Variants in PRSS57 observed in about 807,000 individuals in gnomAD.
The protein encoded by PRSS57 is neutrophil serine protease 4.
PRSS57 carries 19 observed loss-of-function variants against 20.6 expected under a neutral mutation model. The observed-to-expected ratio is 0.92, with a 90% CI of 0.64 to 1.35. The LOEUF is 1.35. Among genes scored for constraint, PRSS57 ranks in the 40% most tolerant of loss-of-function variants. PRSS57 has a pLI of 0.00. For missense variants in PRSS57, 440 were observed against 403.7 expected (o/e 1.09, Z -0.77); for synonymous variants, 203 against 176.6 (o/e 1.15, Z -1.19).
At chr19:693,471 G>A (rs1048499237) in intron 2 of PRSS57, among the ~76,000 whole-genome samples, 1 of 152,056 alleles carries the variant, frequency 6.6e-6, no homozygotes, top group Admixed American at 6.6e-5. Context: ...TCTATGAAAT[G>A]GAGGCCCAGT....
rs866064266 is a variant in PRSS57, at chr19:686,911, G to A, written c.642+14C>T. 2 of 1,609,706 alleles carry A rather than the reference G, an allele frequency of 1.2e-6. No individual in the cohort carries two copies. Among genetic ancestry groups the A allele is most frequent in the African/African-American group, 1.3e-5 (1 of 74,864 alleles). On this transcript the variant is annotated intron_variant, in intron 4 of 4. Coordinates refer to ENST00000329267, the MANE Select transcript of PRSS57 (RefSeq NM_001308209.2). ...CCCACACAGTAAGTGGGTGGAGCAG[G>A]GAGGGGATCTTACCGAGCAGAAGCC... is the stretch of plus-strand genomic sequence containing the variant.
chr19:692,587 T>C (rs2031679120), intron 2 of PRSS57, among the ~76,000 whole-genome samples: 1 of 151,782 alleles, frequency 6.6e-6, no homozygotes, highest in Non-Finnish European at 1.5e-5. Flanking sequence ...CAGCTAATTT[T>C]TGTATTTTCA....
At chr19:689,883 T>A (rs1275662654) in intron 3 of PRSS57, among the ~76,000 whole-genome samples, 2 of 152,252 alleles carry the variant, frequency 1.3e-5, no homozygotes, top group South Asian at 4.2e-4. Context: ...TGAAATCCCA[T>A]CTCTACTAAA....
At chr19:690,097 G>A (rs2031599669) in intron 3 of PRSS57, among the ~76,000 whole-genome samples, 1 of 146,652 alleles carries the variant, frequency 6.8e-6, no homozygotes, top group Admixed American at 7.0e-5. Context: ...CGGATCACGA[G>A]GTCAAGAGAT....
At chr19:690,878 G>A (rs909289226) in intron 3 of PRSS57, 7 of 385,038 alleles carry the variant, frequency 1.8e-5, no homozygotes, top group African/African-American at 6.4e-5. Context: ...CTGCGGCTCT[G>A]CGCTGGTGTG....
At position 686,936 on chromosome 19, in the gene PRSS57, C is replaced by A. The variant is rs1173392823; in HGVS notation, c.631G>T (p.Gly211Cys). 5 of 1,613,442 alleles carry A rather than the reference C, an allele frequency of 3.1e-6. No homozygotes were observed. Among genetic ancestry groups the A allele is most frequent in the Non-Finnish European group, 4.2e-6 (5 of 1,179,698 alleles). ...GGAGGGGATCTTACCGAGCAGAAGC[C>A]CCGTCTGTGGCTGTCCCCACTGCGG... Reference protein sequence around the residue: ...CTRSGDSHRRGFCSADSGGPL... With the variant: ...CTRSGDSHRRCFCSADSGGPL... Residue 211 changes from glycine to cysteine, a missense_variant, in exon 4 of 5, where the codon GGC becomes TGC. Transcript: ENST00000329267.
intron 1 of PRSS57, among the ~76,000 whole-genome samples, 188 bp from the exon 2 acceptor site, chr19:695,155 C>T (rs748016989): frequency 2.6e-5 from 4 of 152,100 alleles, no homozygotes; most frequent in Non-Finnish European, 5.9e-5. Context: ...CTCCCGAGCC[C>T]GGGAGATCCA....
intron 2 of PRSS57, 105 bp from the exon 3 acceptor site, chr19:692,107 C>T (rs1406446392): frequency 8.8e-6 from 10 of 1,142,540 alleles, no homozygotes; most frequent in South Asian, 4.5e-5. Flanking sequence ...CGGTGGCTCA[C>T]GCCTGTAATC....
intron 3 of PRSS57, among the ~76,000 whole-genome samples, chr19:688,435 G>A (rs1333114018): frequency 3.3e-5 from 5 of 151,192 alleles, no homozygotes; most frequent in Non-Finnish European, 7.4e-5. Context: ...CCGCCTCCCG[G>A]GTTCAAGCGA....
chr19:689,506 G>A (rs2031579042), intron 3 of PRSS57, among the ~76,000 whole-genome samples: 1 of 152,116 alleles, frequency 6.6e-6, no homozygotes, highest in African/African-American at 2.4e-5. Flanking sequence ...AGTCAGAAAG[G>A]TGACAGGCAT....
chr19:690,791 G>A (rs1043477630), intron 3 of PRSS57: 11 of 349,242 alleles, frequency 3.1e-5, no homozygotes, highest in African/African-American at 1.5e-4. Context: ...CAAGCTCTCC[G>A]TTGTCCCCAT....
chr19:690,711 G>A (rs942208272), intron 3 of PRSS57: 2 of 333,652 alleles, frequency 6.0e-6, no homozygotes, highest in African/African-American at 2.2e-5. Flanking sequence ...GACTACAATG[G>A]CCACGTCGGT....
chr19:686,989 C>G lies in PRSS57; in HGVS notation c.578G>C (p.Gly193Ala), dbSNP rs759392106. 7.4e-6 allele frequency: 12 copies of G among 1,613,972 alleles called. No homozygotes were observed. The African/African-American group carries it at 1.5e-4, about 20-fold the overall frequency. ...GCAGAGCATGGTAAGTGTCAGGTGG[C>G]CCTTCCAGGAGCTGTTGCAGACGTC... ...DPDVCNSSWK[G>A]HLTLTMLCTR... is the part of the protein sequence containing the mutation. Residue 193 changes from glycine to alanine, a missense_variant, in exon 4 of 5, where the codon GGC becomes GCC. By Grantham distance (60) the Gly-to-Ala change is moderately conservative. Coordinates refer to ENST00000329267, the MANE Select transcript of PRSS57 (RefSeq NM_001308209.2).
intron 4 of PRSS57, among the ~76,000 whole-genome samples, chr19:686,226 G>A (rs1164858424): frequency 6.6e-6 from 1 of 152,094 alleles, no homozygotes; most frequent in Non-Finnish European, 1.5e-5. Context: ...AACCTACACA[G>A]CTGTACGCGG....
At chr19:694,223 G>C (rs568095824) in intron 2 of PRSS57, among the ~76,000 whole-genome samples, 9 of 151,958 alleles carry the variant, frequency 5.9e-5, no homozygotes, top group East Asian at 3.9e-4. Flanking sequence ...TGCAGGAGGG[G>C]ACCCACCCAC....
At chr19:695,321 G>C (rs1031153627) in intron 1 of PRSS57, 31 bp downstream of exon 1, 1 of 1,119,092 alleles carries the variant, frequency 8.9e-7, no homozygotes, top group Non-Finnish European at 1.1e-6. Context: ...CTTGGCGGGG[G>C]CCTGGGTGGG....
chr19:690,727 T>C, intron 3 of PRSS57: 1 of 347,990 alleles, frequency 2.9e-6, no homozygotes, highest in Non-Finnish European at 5.5e-6. Context: ...TCGGTCTGGG[T>C]GTTGAGTGCT....
chr19:688,747 C>T (rs1321941268), intron 3 of PRSS57, among the ~76,000 whole-genome samples: 1 of 151,954 alleles, frequency 6.6e-6, no homozygotes, highest in East Asian at 1.9e-4. Flanking sequence ...GACTGGCACC[C>T]ACCACCAGGC....
At chr19:692,243 C>G (rs1422331822) in intron 2 of PRSS57, among the ~76,000 whole-genome samples, 1 of 150,660 alleles carries the variant, frequency 6.6e-6, no homozygotes, top group Non-Finnish European at 1.5e-5. Context: ...GTGGCACATG[C>G]CTGTCATCCC....
Sources: allele counts gnomAD v4.1 joint callset (sites outside exome capture counted in the v4.1 genomes callset), GRCh38; gene constraint gnomAD v4.1.1; transcripts MANE v1.5; gene names NCBI Gene and HGNC (gene_info 2026-07-23, HGNC 2026-07-21).